Variants in IST1 observed in about 807,000 individuals in gnomAD.
The protein encoded by IST1 is IST1 homolog.
A neutral mutation model predicts 37.0 loss-of-function variants in IST1; 23 were observed. The observed-to-expected ratio is 0.62, with a 90% CI of 0.45 to 0.88. The LOEUF (loss-of-function observed/expected upper bound fraction) is 0.88, where lower values mean the gene tolerates loss of function less well. IST1 is among the 40% of genes least tolerant of loss of function. IST1 has a pLI of 0.00. For missense variants in IST1, 488 were observed against 445.4 expected (o/e 1.10, Z -0.86); for synonymous variants, 180 against 161.7 (o/e 1.11, Z -0.86).
chr16:71,904,366 C>G (rs575202527), intron 1 of IST1, among the ~76,000 whole-genome samples: 3 of 152,324 alleles, frequency 2.0e-5, no homozygotes, highest in African/African-American at 7.2e-5. Context: ...AAGTGATCCA[C>G]CTGCCTCGGC....
chr16:71,901,705 G>T (rs929476175), intron 1 of IST1, among the ~76,000 whole-genome samples: 4 of 152,080 alleles, frequency 2.6e-5, no homozygotes, highest in Non-Finnish European at 5.9e-5. Flanking sequence ...TTAGCAAATT[G>T]CTTTTCTTTC....
intron 1 of IST1, among the ~76,000 whole-genome samples, chr16:71,899,105 GA>G: frequency 6.6e-6 from 1 of 152,078 alleles, no homozygotes; most frequent in East Asian, 1.9e-4. Flanking sequence ...GCTCCTTCAA[GA>G]AAATTTTGAT....
intron 1 of IST1, chr16:71,903,186 G>C (rs1299267806): frequency 6.6e-6 from 1 of 152,098 alleles, no homozygotes; most frequent in African/African-American, 2.4e-5. Flanking sequence ...TTGCTACATT[G>C]TCCAAGCTGG....
At position 71,929,564 on chromosome 16, in the gene IST1, T is replaced by A; in HGVS notation, c.*1751T>A. On this transcript the variant is annotated 3_prime_UTR_variant, in exon 10 of 10. Transcript: ENST00000378799. ...TAAGGTAGTTCATCTAAAACTTCAGTGTCACTGCCCACTGCTGTCGTGGCT... is the reference window on the plus strand; with the variant it reads ...TAAGGTAGTTCATCTAAAACTTCAGAGTCACTGCCCACTGCTGTCGTGGCT... 6.4e-7 allele frequency: 1 copy of A among 1,551,158 alleles called. No individual in the cohort carries two copies. The highest frequency in any genetic ancestry group is 1.2e-5 in the South Asian group (1 of 83,866).
intron 1 of IST1, 36 bp downstream of exon 1, chr16:71,895,625 C>T (rs2036947859): frequency 1.2e-6 from 1 of 858,872 alleles, no homozygotes. Context: ...AGGTCTCTGT[C>T]TTCCTCTTCT....
chr16:71,930,276 A>G lies in IST1; in HGVS notation c.*2463A>G. ...ATGCTAGTGTTTGGGATCTTATCAG[A>G]AGAAAAGCTTATCCGAAGGAAACTT... is the stretch of plus-strand genomic sequence containing the variant. On this transcript the variant is annotated 3_prime_UTR_variant, in exon 10 of 10. Coordinates refer to ENST00000378799, the MANE Select transcript of IST1 (RefSeq NM_001270975.2). 1 of 1,296,346 alleles carries G rather than the reference A, an allele frequency of 7.7e-7. No homozygotes were observed. The highest frequency in any genetic ancestry group is 2.6e-5 in the East Asian group (1 of 37,996). 80.3% of individuals were successfully genotyped at this position (1,296,346 alleles called of 1,614,324 possible).
chr16:71,921,724 A>C, intron 6 of IST1: 2 of 352,262 alleles, frequency 5.7e-6, no homozygotes, highest in Non-Finnish European at 5.3e-6. Context: ...GAATTGAGAA[A>C]CCTCCTGTTC....
In IST1 at chr16:71,920,951, G is replaced by C. The variant is rs1005692688; in HGVS notation, c.441+129G>C. The C allele has an allele frequency of 1.6e-5, 12 of 743,464 alleles. 1 individual carries two copies. The highest frequency in any genetic ancestry group is 8.7e-5 in the South Asian group (6 of 69,302). The allele number at this position is 743,464 out of a possible 1,614,324, so 46.1% of individuals were successfully genotyped here. ...TTCACCTTTCATAGTGGGGTGAGGAGGACAGCTGTGTGGCTGGCAGTGTGG... is the reference window on the plus strand; with the variant it reads ...TTCACCTTTCATAGTGGGGTGAGGACGACAGCTGTGTGGCTGGCAGTGTGG... On this transcript the variant is annotated intron_variant, in intron 5 of 9. Coordinates refer to ENST00000378799, the MANE Select transcript of IST1 (RefSeq NM_001270975.2).
At chr16:71,914,333 T>G (rs1227630326) in intron 1 of IST1, among the ~76,000 whole-genome samples, 1 of 151,966 alleles carries the variant, frequency 6.6e-6, no homozygotes, top group Non-Finnish European at 1.5e-5. Context: ...TAATTTTTTT[T>G]GTATTTTTAG....
intron 1 of IST1, among the ~76,000 whole-genome samples, chr16:71,913,450 GGTT>G (rs767797565): frequency 5.9e-5 from 9 of 152,016 alleles, no homozygotes; most frequent in South Asian, 2.1e-4. Flanking sequence ...TTTTTAATCA[GGTT>G]GTTGTTATTG....
intron 8 of IST1, chr16:71,924,326 G>C: frequency 2.6e-6 from 1 of 387,642 alleles, no homozygotes; most frequent in South Asian, 2.0e-5. Flanking sequence ...AGTTCAACAT[G>C]GGGCTGGGCG....
rs2037664956 is a variant in IST1, at chr16:71,923,659, A to G, written c.852+279A>G. On this transcript the variant is annotated intron_variant, in intron 8 of 9. Transcript: ENST00000378799. Reference sequence around the variant, plus strand: ...GTTGTAGTGCTCTATGAGGGCACTTAGCCAGTTGTTTTGACCGACTAGGCA... The same window carrying G: ...GTTGTAGTGCTCTATGAGGGCACTTGGCCAGTTGTTTTGACCGACTAGGCA... 1.3e-5 allele frequency: 4 copies of G among 318,474 alleles called. No individual in the cohort carries two copies. In the East Asian group the frequency reaches 3.0e-4, roughly 24 times the overall value. 19.7% of individuals were successfully genotyped at this position (318,474 alleles called of 1,614,324 possible). A position where few individuals can be genotyped will look rare whatever the true frequency, so the allele number is the denominator to read the frequency against.
At position 71,930,017 on chromosome 16, in the gene IST1, A is replaced by G. The variant is rs1161495579; in HGVS notation, c.*2204A>G. 2 of 1,534,922 alleles carry G rather than the reference A, an allele frequency of 1.3e-6. No homozygotes were observed. Among genetic ancestry groups the G allele is most frequent in the Non-Finnish European group, 8.8e-7 (1 of 1,139,164 alleles). On this transcript the variant is annotated 3_prime_UTR_variant, in exon 10 of 10. Transcript: ENST00000378799. The stretch of plus-strand genomic sequence containing the variant: ...GTTACAGTGGAGCTTTCCCAGTGAT[A>G]TAACAGCATGCTAGTTTATCTTTTA...
At chr16:71,923,203 T>G in intron 7 of IST1, 85 bp from the exon 8 acceptor site, 1 of 689,122 alleles carries the variant, frequency 1.5e-6, no homozygotes, top group Non-Finnish European at 2.6e-6. Context: ...AATATAAATG[T>G]ATTTCTTTCT....
intron 1 of IST1, among the ~76,000 whole-genome samples, chr16:71,907,453 A>T (rs900637991): frequency 9.9e-5 from 15 of 151,460 alleles, no homozygotes; most frequent in African/African-American, 3.2e-4. Flanking sequence ...AATTTTTTGC[A>T]TTTTTAGTAG....
intron 6 of IST1, 90 bp from the exon 7 acceptor site, chr16:71,922,384 C>T: frequency 9.3e-7 from 1 of 1,080,602 alleles, no homozygotes; most frequent in South Asian, 1.4e-5. Flanking sequence ...AGTAAACTTG[C>T]TTTATGCTAA....
rs1014191424 is a variant in IST1, at chr16:71,898,103, C to T, written c.-16+2514C>T. Among the ~76,000 whole-genome samples the T allele has an allele frequency of 1.8e-4, 26 of 148,324 alleles. 1 individual carries two copies. The highest frequency in any genetic ancestry group is 2.2e-4 in the South Asian group (1 of 4,628). On this transcript the variant is annotated intron_variant, in intron 1 of 9. Transcript: ENST00000378799. ...TTAAGAAAAACCCTTGGCCAGGCAC[C>T]GTGGCTCACGCCTGTAATCCCAGCA...
rs976797827 is a variant in IST1 at position 71,930,322 on chromosome 16, A to G, written c.*2509A>G. Reference sequence around the variant, plus strand: ...AACTTAGGGAGAGAGTCAAAAGATAATAAGAAGGAAAATACTTTTAAATGG... The same window carrying G: ...AACTTAGGGAGAGAGTCAAAAGATAGTAAGAAGGAAAATACTTTTAAATGG... On this transcript the variant is annotated 3_prime_UTR_variant, in exon 10 of 10. Transcript: ENST00000378799. 1.3e-5 allele frequency: 11 copies of G among 835,114 alleles called. No homozygotes were observed. The highest frequency in any genetic ancestry group is 1.2e-4 in the African/African-American group (7 of 58,260). The allele number at this position is 835,114 out of a possible 1,614,324, so 51.7% of individuals were successfully genotyped here.
chr16:71,894,953 A>C, upstream of IST1: 3 of 886,818 alleles, frequency 3.4e-6, no homozygotes, highest in South Asian at 4.3e-5. Context: ...ATTATACCAC[A>C]CAGACCGGAG....
Sources: gnomAD v4.1 joint callset for allele counts (sites outside exome capture counted in the v4.1 genomes callset) on GRCh38, gnomAD v4.1.1 for gene constraint, MANE v1.5 for transcripts, NCBI Gene and HGNC (gene_info 2026-07-23, HGNC 2026-07-21) for gene names.